PARD3B: variants seen among roughly 807,000 people sequenced by gnomAD.
PARD3B encodes par-3 family cell polarity regulator beta.
PARD3B carries 103 observed loss-of-function variants against 130.2 expected under a neutral mutation model. The ratio of observed to expected loss-of-function variants is 0.79; its 90% CI spans 0.67 to 0.93. The LOEUF (loss-of-function observed/expected upper bound fraction) is 0.93, where lower values mean the gene tolerates loss of function less well. Ranked by LOEUF, PARD3B falls within the 40% of genes least tolerant of loss-of-function variation. PARD3B has a pLI of 0.00. For synonymous variants in PARD3B, 583 were observed against 553.2 expected, an observed-to-expected ratio of 1.05 and a Z score of -0.76; for missense variants, 1,609 against 1,499.2, an observed-to-expected ratio of 1.07 and a Z score of -1.21.
At chr2:204,815,236 A>G (rs1212988829) in intron 2 of PARD3B, among the ~76,000 whole-genome samples, 3 of 151,976 alleles carry the variant, frequency 2.0e-5, no homozygotes, top group African/African-American at 7.2e-5. Flanking sequence ...TAATGAGCTC[A>G]CTTGATGAAT....
At chr2:204,933,321 T>A (rs1688165299) in intron 2 of PARD3B, among the ~76,000 whole-genome samples, 1 of 152,214 alleles carries the variant, frequency 6.6e-6, no homozygotes, top group Admixed American at 6.5e-5. Context: ...ACAATTAATT[T>A]ACATTTGATT....
chr2:205,129,136 A>G (rs923040523), intron 10 of PARD3B, among the ~76,000 whole-genome samples: 6 of 152,238 alleles, frequency 3.9e-5, no homozygotes, highest in African/African-American at 1.4e-4. Flanking sequence ...ACTCTCAAAA[A>G]TAGTTGACAG....
At chr2:204,563,645 T>G (rs1337105535) in intron 1 of PARD3B, among the ~76,000 whole-genome samples, 1 of 152,236 alleles carries the variant, frequency 6.6e-6, no homozygotes, top group East Asian at 1.9e-4. Flanking sequence ...TGTGATTGAC[T>G]TATCTACTAC....
At chr2:205,308,053 C>T (rs956929473) in intron 18 of PARD3B, among the ~76,000 whole-genome samples, 3 of 152,116 alleles carry the variant, frequency 2.0e-5, no homozygotes, top group Non-Finnish European at 4.4e-5. Context: ...AATGTGTTTG[C>T]CCATATCATT....
chr2:205,615,053 A>C (rs1260033271), intron 22 of PARD3B, among the ~76,000 whole-genome samples: 1 of 152,212 alleles, frequency 6.6e-6, no homozygotes, highest in Admixed American at 6.5e-5. Context: ...CTTGTTTAGG[A>C]AACTAGTTTG....
intron 21 of PARD3B, among the ~76,000 whole-genome samples, chr2:205,529,082 T>A (rs969890481): frequency 6.6e-6 from 1 of 152,182 alleles, no homozygotes; most frequent in Non-Finnish European, 1.5e-5. Flanking sequence ...CCTTTGTAAG[T>A]GGATGACCTG....
intron 1 of PARD3B, among the ~76,000 whole-genome samples, chr2:204,593,132 T>G (rs953354502): frequency 6.8e-6 from 1 of 147,078 alleles, no homozygotes; most frequent in African/African-American, 2.4e-5. Flanking sequence ...TATTAGGTTT[T>G]AAGAGGTTAA....
chr2:205,311,439 A>G (rs559477298), intron 18 of PARD3B, among the ~76,000 whole-genome samples: 1 of 152,220 alleles, frequency 6.6e-6, no homozygotes, highest in South Asian at 2.1e-4. Context: ...GCAGTTTTTC[A>G]TGTATTTCTT....
rs907756601 is a variant in PARD3B, at chr2:205,619,473, C to G, written c.*3660C>G. 6.6e-5 allele frequency: 10 copies of G among 152,036 alleles called. No individual in the cohort carries two copies. The highest frequency in any genetic ancestry group is 6.6e-4 in the Admixed American group (10 of 15,262). 9.4% of individuals were successfully genotyped at this position (152,036 alleles called of 1,614,324 possible). A position where few individuals can be genotyped will look rare whatever the true frequency, so the allele number is the denominator to read the frequency against. The stretch of plus-strand genomic sequence containing the variant: ...AACACCCTACTGCTTTCTGAGTCTA[C>G]GAGCAACAGAAAGACTGGTCTTAGT... On this transcript the variant is annotated 3_prime_UTR_variant, in exon 23 of 23. Transcript: ENST00000406610.
chr2:204,821,507 G>A (rs575079616), intron 2 of PARD3B, among the ~76,000 whole-genome samples: 23 of 138,604 alleles, frequency 1.7e-4, no homozygotes, highest in African/African-American at 2.9e-4. Flanking sequence ...CAATGAGAAC[G>A]CATGGACACA....
intron 21 of PARD3B, among the ~76,000 whole-genome samples, chr2:205,505,552 C>A (rs1575188316): frequency 6.6e-6 from 1 of 152,072 alleles, no homozygotes; most frequent in South Asian, 2.1e-4. Context: ...TCAGTGGCTG[C>A]AAGTAAAACA....
At chr2:205,450,944 C>T (rs879390496) in intron 20 of PARD3B, among the ~76,000 whole-genome samples, 3 of 152,148 alleles carry the variant, frequency 2.0e-5, no homozygotes, top group African/African-American at 4.8e-5. Flanking sequence ...CTTGATTGTC[C>T]ATTTGGTTCT....
chr2:205,055,403 G>T (rs946225490), intron 4 of PARD3B, among the ~76,000 whole-genome samples: 6 of 152,096 alleles, frequency 3.9e-5, no homozygotes, highest in African/African-American at 1.4e-4. Flanking sequence ...CATTTACGAC[G>T]TGTTTCTTGG....
At chr2:205,155,037 G>A (rs1435298432) in intron 10 of PARD3B, among the ~76,000 whole-genome samples, 2 of 147,688 alleles carry the variant, frequency 1.4e-5, no homozygotes, top group Non-Finnish European at 3.0e-5. Flanking sequence ...AGAACTTAAA[G>A]TATAATAATA....
chr2:204,703,767 C>T (rs538111280), intron 2 of PARD3B, among the ~76,000 whole-genome samples: 1 of 152,236 alleles, frequency 6.6e-6, no homozygotes, highest in Non-Finnish European at 1.5e-5. Flanking sequence ...TCCCACCACA[C>T]ACTGAGAATG....
intron 21 of PARD3B, among the ~76,000 whole-genome samples, chr2:205,504,867 T>A (rs1347863270): frequency 6.6e-6 from 1 of 152,228 alleles, no homozygotes; most frequent in Non-Finnish European, 1.5e-5. Context: ...AAATACCATT[T>A]GACCCAGCCA....
intron 2 of PARD3B, among the ~76,000 whole-genome samples, chr2:204,714,152 G>T (rs2038607210): frequency 6.6e-6 from 1 of 151,896 alleles, no homozygotes; most frequent in African/African-American, 2.4e-5. Context: ...CTTATTTATA[G>T]CTCTGTATTT....
chr2:204,737,516 C>T (rs2039811038), intron 2 of PARD3B, among the ~76,000 whole-genome samples: 1 of 152,154 alleles, frequency 6.6e-6, no homozygotes, highest in Non-Finnish European at 1.5e-5. Context: ...AATATTTTCT[C>T]CCATTCTGGG....
At chr2:205,273,205 ATT>A (rs1354828903) in intron 16 of PARD3B, among the ~76,000 whole-genome samples, 8 of 152,136 alleles carry the variant, frequency 5.3e-5, no homozygotes, top group African/African-American at 1.2e-4. Flanking sequence ...CTTAATCTAA[ATT>A]TTCACTTTAA....
Sources: gnomAD v4.1 joint callset for allele counts (sites outside exome capture counted in the v4.1 genomes callset) on GRCh38, gnomAD v4.1.1 for gene constraint, MANE v1.5 for transcripts, NCBI Gene and HGNC (gene_info 2026-07-23, HGNC 2026-07-21) for gene names.